UMAD1: variants seen among roughly 807,000 people sequenced by gnomAD.
UMAD1 encodes the protein UBAP1-MVB12-associated (UMA)-domain containing protein 1.
Under a neutral mutation model 6.1 loss-of-function variants are expected in UMAD1, and 8 were observed. That is an observed-to-expected ratio of 1.30 (90% CI 0.76 to 2.35). The LOEUF is 2.35. Among genes scored for constraint, UMAD1 ranks in the 30% most tolerant of loss-of-function variants. The pLI, the probability that UMAD1 is intolerant of heterozygous loss-of-function variation, is 0.00. For missense variants in UMAD1, 130 were observed against 78.4 expected (o/e 1.66, Z -2.49); for synonymous variants, 56 against 31.4 (o/e 1.78, Z -2.61).
rs75492122 is a variant in UMAD1 at position 7,852,494 on chromosome 7, G to C, written c.157-24787G>C. 5.7e-3 allele frequency among the ~76,000 whole-genome samples: 862 copies of C among 152,300 alleles called. 4 individuals carry two copies. Among genetic ancestry groups the C allele is most frequent in the Non-Finnish European group, 9.5e-3 (646 of 68,018 alleles). Reference sequence around the variant, plus strand: ...GGATCTTCTGACAGACCAGCTTTAAGTTGGGGTTCCCACAACCCTCTCTTT... The same window carrying C: ...GGATCTTCTGACAGACCAGCTTTAACTTGGGGTTCCCACAACCCTCTCTTT... On this transcript the variant is annotated intron_variant, in intron 3 of 3. Transcript: ENST00000682710.
intron 2 of UMAD1, among the ~76,000 whole-genome samples, chr7:7,783,414 A>G (rs922772305): frequency 5.3e-5 from 8 of 150,606 alleles, no homozygotes; most frequent in African/African-American, 1.9e-4. Context: ...TTTTTTTTCT[A>G]AAAGAGAAAT....
intron 1 of UMAD1, among the ~76,000 whole-genome samples, chr7:7,655,221 G>T (rs1785313544): frequency 6.6e-6 from 1 of 152,086 alleles, no homozygotes; most frequent in Non-Finnish European, 1.5e-5. Context: ...AAGTCATCCA[G>T]TCGTGGGAAT....
At chr7:7,675,390 A>G (rs768924258) in intron 2 of UMAD1, among the ~76,000 whole-genome samples, 4 of 152,140 alleles carry the variant, frequency 2.6e-5, no homozygotes, top group Non-Finnish European at 5.9e-5. Flanking sequence ...TGGTGCTGCT[A>G]AGATCTCCTC....
intron 2 of UMAD1, among the ~76,000 whole-genome samples, chr7:7,775,223 A>C (rs977042539): frequency 6.6e-6 from 1 of 152,196 alleles, no homozygotes; most frequent in Non-Finnish European, 1.5e-5. Flanking sequence ...TATTAGGGAA[A>C]TGTAAATTAA....
intron 2 of UMAD1, chr7:7,692,609 T>TTTTGTTTG (rs908658314): frequency 6.6e-6 from 1 of 152,162 alleles, no homozygotes; most frequent in Admixed American, 6.5e-5. Context: ...CAAATGCATT[T>TTTTGTTTG]TTTGTTTGTT....
At chr7:7,822,827 CTT>C (rs879297760) in intron 3 of UMAD1, among the ~76,000 whole-genome samples, 2 of 144,930 alleles carry the variant, frequency 1.4e-5, no homozygotes, top group Non-Finnish European at 3.1e-5. Context: ...AGACGAAAAA[CTT>C]TTTTTTTTTG....
chr7:7,740,342 ATC>A (rs1460990154), intron 2 of UMAD1, among the ~76,000 whole-genome samples: 4 of 152,214 alleles, frequency 2.6e-5, no homozygotes, highest in South Asian at 2.1e-4. Flanking sequence ...AAAAAAAGTT[ATC>A]TGTTTTCTCT....
intron 3 of UMAD1, among the ~76,000 whole-genome samples, chr7:7,866,090 G>A (rs1293284839): frequency 6.6e-6 from 1 of 152,180 alleles, no homozygotes; most frequent in Non-Finnish European, 1.5e-5. Flanking sequence ...GGCAAAATGG[G>A]TTTGGTAAAA....
chr7:7,741,379 G>T (rs1781460855), intron 2 of UMAD1, among the ~76,000 whole-genome samples: 1 of 151,874 alleles, frequency 6.6e-6, no homozygotes, highest in Non-Finnish European at 1.5e-5. Flanking sequence ...AGACCATCCT[G>T]GCTAACACAG....
intron 3 of UMAD1, among the ~76,000 whole-genome samples, chr7:7,848,693 A>C (rs1563257433): frequency 6.6e-6 from 1 of 152,176 alleles, no homozygotes; most frequent in Admixed American, 6.6e-5. Flanking sequence ...AAAGCCAGTA[A>C]ATAATTATAA....
chr7:7,642,997 A>G (rs1323922201), intron 1 of UMAD1, among the ~76,000 whole-genome samples: 1 of 152,162 alleles, frequency 6.6e-6, no homozygotes, highest in Non-Finnish European at 1.5e-5. Flanking sequence ...TATGTTGACG[A>G]ATGTACGTAG....
chr7:7,827,432 G>A lies in UMAD1; in HGVS notation c.156+25689G>A, dbSNP rs558051742. ...CACCTATTATTTTAGGATATTTATCGTACTATATCTCTGATATATTCTTTA... is the reference window on the plus strand; with the variant it reads ...CACCTATTATTTTAGGATATTTATCATACTATATCTCTGATATATTCTTTA... On this transcript the variant is annotated intron_variant, in intron 3 of 3. Transcript: ENST00000682710. Among the ~76,000 whole-genome samples, 32 of 151,838 alleles carry A rather than the reference G, an allele frequency of 2.1e-4. No homozygotes were observed. In the East Asian group the frequency reaches 5.8e-3, roughly 28 times the overall value.
At chr7:7,854,680 C>A (rs1277994714) in intron 3 of UMAD1, among the ~76,000 whole-genome samples, 1 of 152,144 alleles carries the variant, frequency 6.6e-6, no homozygotes, top group Admixed American at 6.5e-5. Flanking sequence ...CCAAACCATA[C>A]CATCCCACCC....
intron 3 of UMAD1, among the ~76,000 whole-genome samples, chr7:7,823,055 T>C (rs1459076742): frequency 6.6e-6 from 1 of 152,148 alleles, no homozygotes; most frequent in Non-Finnish European, 1.5e-5. Flanking sequence ...TTAGGAGTGC[T>C]CCTCCCTTGA....
rs148540376 is a variant in UMAD1, at chr7:7,737,182, A to C, written c.82+63729A>C. ...GAGGGGAAAACCCCATTGTCTACTA[A>C]GTCAGTCCCTTGGAGCTGAATCTCA... is the stretch of plus-strand genomic sequence containing the variant. On this transcript the variant is annotated intron_variant, in intron 2 of 3. Coordinates refer to ENST00000682710, the MANE Select transcript of UMAD1 (RefSeq NM_001302348.2). Among the ~76,000 whole-genome samples, 47 of 152,376 alleles carry C rather than the reference A, an allele frequency of 3.1e-4. 2 individuals carry two copies. In the East Asian group the frequency reaches 8.5e-3, roughly 27 times the overall value.
intron 1 of UMAD1, among the ~76,000 whole-genome samples, chr7:7,649,744 C>A (rs1190847155): frequency 2.0e-5 from 3 of 152,016 alleles, no homozygotes; most frequent in African/African-American, 7.3e-5. Flanking sequence ...GTTTGTCTCT[C>A]TCCCCCCACC....
At chr7:7,808,430 A>G (rs905924604) in intron 3 of UMAD1, among the ~76,000 whole-genome samples, 1 of 152,036 alleles carries the variant, frequency 6.6e-6, no homozygotes, top group African/African-American at 2.4e-5. Context: ...AGTCTTGGAA[A>G]GTGTTTTATA....
At chr7:7,677,756 C>G (rs1387588467) in intron 2 of UMAD1, among the ~76,000 whole-genome samples, 1 of 144,838 alleles carries the variant, frequency 6.9e-6, no homozygotes, top group East Asian at 2.0e-4. Context: ...TCACTGCAAG[C>G]TCTGCCTCCC....
chr7:7,664,510 A>C (rs1221457897), intron 1 of UMAD1, among the ~76,000 whole-genome samples: 5 of 152,140 alleles, frequency 3.3e-5, no homozygotes. Flanking sequence ...CTTCTTTTGC[A>C]GTCTTGATTT....
Sources: allele counts gnomAD v4.1 joint callset (sites outside exome capture counted in the v4.1 genomes callset), GRCh38; gene constraint gnomAD v4.1.1; transcripts MANE v1.5; gene names NCBI Gene and HGNC (gene_info 2026-07-23, HGNC 2026-07-21).